Variants in EVC2 observed in about 807,000 individuals in gnomAD.
EVC2 encodes the protein EvC ciliary complex subunit 2.
A neutral mutation model predicts 149.3 loss-of-function variants in EVC2; 148 were observed. That is an observed-to-expected ratio of 0.99 (90% CI 0.87 to 1.14). The LOEUF (loss-of-function observed/expected upper bound fraction) is 1.14. Ranked by LOEUF, EVC2 falls within the 50% of genes most tolerant of loss-of-function variation. EVC2 has a pLI of 0.00. For synonymous variants in EVC2, 776 were observed against 649.9 expected (o/e 1.19, Z -2.95); for missense variants, 1,854 against 1,627.3 (o/e 1.14, Z -2.40).
rs1722520900 is a variant in EVC2 at position 5,569,520 on chromosome 4, G to A, written c.3361-880C>T. On this transcript the variant is annotated intron_variant, in intron 19 of 21. Transcript: ENST00000344408. This position sits in a 1 kb window ranked among gnomAD's most constrained non-coding sequence, Gnocchi z 4.8. ...AAAATTAAAAATTTTGGCCAGGCAT[G>A]GGGGCTCACATCTGTAATCCCAGCA... Among the ~76,000 whole-genome samples, 2 of 152,130 alleles carry A rather than the reference G, an allele frequency of 1.3e-5. No individual in the cohort carries two copies. Among genetic ancestry groups the A allele is most frequent in the South Asian group, 2.1e-4 (1 of 4,826 alleles).
chr4:5,654,678 T>G lies in EVC2; in HGVS notation c.1145+8429A>C, dbSNP rs573445497. On this transcript the variant is annotated intron_variant, in intron 9 of 21. Coordinates refer to ENST00000344408, the MANE Select transcript of EVC2 (RefSeq NM_147127.5). ...GAGGAGAATCCTATGGAACATAGGC[T>G]TGGCCTGGGCGTGCATGGTTAATCC... Among the ~76,000 whole-genome samples the G allele has an allele frequency of 7.6e-4, 116 of 152,278 alleles. 1 individual carries two copies. The highest frequency in any genetic ancestry group is 2.6e-3 in the African/African-American group (110 of 41,568).
Position 5,636,512 on chromosome 4 carries a change from C to T in EVC2, c.1470+4002G>A, listed in dbSNP as rs1453212673. Among the ~76,000 whole-genome samples, 2 of 152,168 alleles carry T rather than the reference C, an allele frequency of 1.3e-5. No homozygotes were observed. Among genetic ancestry groups the T allele is most frequent in the Non-Finnish European group, 2.9e-5 (2 of 68,044 alleles). On this transcript the variant is annotated intron_variant, in intron 10 of 21. Coordinates refer to ENST00000344408, the MANE Select transcript of EVC2 (RefSeq NM_147127.5). This position sits in a 1 kb window ranked among gnomAD's most constrained non-coding sequence, Gnocchi z 4.6. Reference sequence around the variant, plus strand: ...CATTTATACAAACTATTTATAACTACATAACATTTACATTGTATTAGGTAT... The same window carrying T: ...CATTTATACAAACTATTTATAACTATATAACATTTACATTGTATTAGGTAT...
At chr4:5,547,161 A>G (rs1405151767) in intron 21 of EVC2, among the ~76,000 whole-genome samples, 1 of 152,230 alleles carries the variant, frequency 6.6e-6, no homozygotes, top group Non-Finnish European at 1.5e-5. Flanking sequence ...ATCTCAGAGC[A>G]AAGTCAGGGC....
chr4:5,607,673 T>G (rs1714496946), intron 16 of EVC2, among the ~76,000 whole-genome samples: 1 of 152,190 alleles, frequency 6.6e-6, no homozygotes, highest in Non-Finnish European at 1.5e-5. Context: ...CAAGTCTTTC[T>G]GAATTAGTTG....
chr4:5,701,464 C>T (rs1358624512), intron 1 of EVC2, among the ~76,000 whole-genome samples: 1 of 152,144 alleles, frequency 6.6e-6, no homozygotes, highest in African/African-American at 2.4e-5. Flanking sequence ...GCTCTCCACC[C>T]TTGACCTTCG....
At chr4:5,691,411 G>A (rs1721112979) in intron 3 of EVC2, 78 bp from the exon 4 acceptor site, 1 of 1,248,394 alleles carries the variant, frequency 8.0e-7, no homozygotes, top group Non-Finnish European at 1.1e-6. Flanking sequence ...ACAAGATAAT[G>A]AAATTTTTAC....
At chr4:5,708,689 G>C, upstream of EVC2, 1 of 487,978 alleles carries the variant, frequency 2.0e-6, no homozygotes, top group Non-Finnish European at 3.5e-6. Context: ...ACGGGCGTGG[G>C]AGGGGGAGAG....
At chr4:5,638,301 A>G (rs1486058392) in intron 10 of EVC2, among the ~76,000 whole-genome samples, 1 of 152,080 alleles carries the variant, frequency 6.6e-6, no homozygotes, top group African/African-American at 2.4e-5. Flanking sequence ...AGGCAAGAGA[A>G]TCACTTGAGC....
rs1438323578 is a variant in EVC2, at chr4:5,576,578, T to C, written c.3058-124A>G. Reference sequence around the variant, plus strand: ...TGACTCTGTCTTGCCTGGTTCCCCATCCAGCTGTGCCACATGGTGCAATGT... The same window carrying C: ...TGACTCTGTCTTGCCTGGTTCCCCACCCAGCTGTGCCACATGGTGCAATGT... On this transcript the variant is annotated intron_variant, in intron 17 of 21. Coordinates refer to ENST00000344408, the MANE Select transcript of EVC2 (RefSeq NM_147127.5). This position sits in a 1 kb window ranked among gnomAD's most constrained non-coding sequence, Gnocchi z 4.5. 3.0e-5 allele frequency: 46 copies of C among 1,511,868 alleles called. No individual in the cohort carries two copies. Among genetic ancestry groups the C allele is most frequent in the Non-Finnish European group, 3.7e-5 (42 of 1,128,038 alleles). 93.7% of individuals were successfully genotyped at this position (1,511,868 alleles called of 1,614,324 possible).
chr4:5,537,723 G>A, the EVC2 span, among the ~76,000 whole-genome samples: 7 of 152,174 alleles, frequency 4.6e-5, no homozygotes, highest in African/African-American at 7.2e-5. Flanking sequence ...GCAAAATAAC[G>A]AAGAAAATAA....
At chr4:5,615,209 T>C (rs1715149103) in intron 16 of EVC2, among the ~76,000 whole-genome samples, 1 of 151,818 alleles carries the variant, frequency 6.6e-6, no homozygotes, top group South Asian at 2.1e-4. Flanking sequence ...GACTGAGAAG[T>C]GGAGGGAGAG....
At chr4:5,608,568 C>T (rs866763963) in intron 16 of EVC2, among the ~76,000 whole-genome samples, 18 of 146,638 alleles carry the variant, frequency 1.2e-4, no homozygotes, top group Non-Finnish European at 2.3e-4. Context: ...GAGTCTCGGT[C>T]GGTCGTCCAG....
At chr4:5,568,723 C>T in intron 19 of EVC2, 83 bp from the exon 20 acceptor site, 3 of 1,402,946 alleles carry the variant, frequency 2.1e-6, no homozygotes. Flanking sequence ...ATTCTGAGGA[C>T]ATTCTGTCCT....
the EVC2 span, among the ~76,000 whole-genome samples, chr4:5,529,295 C>T: frequency 6.6e-6 from 1 of 152,318 alleles, no homozygotes; most frequent in Non-Finnish European, 1.5e-5. The surrounding 1 kb of genome is among the most constrained non-coding windows in gnomAD (Gnocchi z 4.5). Flanking sequence ...GTGATATTTT[C>T]ATCCTCATCT....
In EVC2 at chr4:5,685,473, T is replaced by A; in HGVS notation, c.713A>T (p.Asp238Val). The A allele has an allele frequency of 6.2e-7, 1 of 1,614,080 alleles. No homozygotes were observed. Among genetic ancestry groups the A allele is most frequent in the Non-Finnish European group, 8.5e-7 (1 of 1,179,990 alleles). Residue 238 changes from aspartate to valine, a missense_variant, in exon 6 of 22, where the codon GAT becomes GTT. Asp to Val is a radical substitution (Grantham distance 152). Coordinates refer to ENST00000344408, the MANE Select transcript of EVC2 (RefSeq NM_147127.5). ...AFSKKFLQVG[D>V]AFAVSYAATL... ...GGCTGCGTAGCTGACAGCAAAGGCA[T>A]CTCCCACTGCGCAGAGAAAAGCACA...
chr4:5,668,499 G>T (rs1398072412), intron 7 of EVC2, among the ~76,000 whole-genome samples: 3 of 152,062 alleles, frequency 2.0e-5, no homozygotes, highest in African/African-American at 7.2e-5. Context: ...ATTTGTTCTG[G>T]ACATGTCCCT....
chr4:5,580,862 C>A (rs1711696326), intron 17 of EVC2, among the ~76,000 whole-genome samples: 1 of 151,674 alleles, frequency 6.6e-6, no homozygotes, highest in Non-Finnish European at 1.5e-5. Flanking sequence ...GTGACTGGAT[C>A]ATGGGGGTGG....
chr4:5,655,049 AG>A (rs1718423313), intron 9 of EVC2, among the ~76,000 whole-genome samples: 1 of 152,210 alleles, frequency 6.6e-6, no homozygotes, highest in Non-Finnish European at 1.5e-5. Flanking sequence ...CCAAGAGAAC[AG>A]AAGGTGTTTG....
downstream of EVC2, among the ~76,000 whole-genome samples, chr4:5,558,228 C>T (rs548779370): frequency 2.0e-5 from 3 of 152,264 alleles, no homozygotes; most frequent in East Asian, 5.8e-4. Flanking sequence ...ATCATTGGAA[C>T]AGAACAGAGA....
Sources: allele counts gnomAD v4.1 joint callset (sites outside exome capture counted in the v4.1 genomes callset), GRCh38; gene constraint gnomAD v4.1.1; non-coding constraint Gnocchi (gnomAD v3.1); transcripts MANE v1.5; gene names NCBI Gene and HGNC (gene_info 2026-07-23, HGNC 2026-07-21).